CSMD1: variants seen among roughly 807,000 people sequenced by gnomAD.
CSMD1 encodes the protein CUB and sushi domain-containing protein 1.
CSMD1 carries 213 observed loss-of-function variants against 417.5 expected under a neutral mutation model. The ratio of observed to expected loss-of-function variants is 0.51; its 90% CI spans 0.46 to 0.57. CSMD1 has a LOEUF of 0.57. Ranked by LOEUF, CSMD1 falls within the 20% of genes least tolerant of loss-of-function variation. The pLI, the probability that CSMD1 is intolerant of heterozygous loss-of-function variation, is 0.00. For missense variants in CSMD1, 6,923 were observed against 4,529.7 expected (o/e 1.53, Z -15.17); for synonymous variants, 2,862 against 1,736.8 (o/e 1.65, Z -16.11).
chr8:3,561,096 C>T (rs1799449443), intron 10 of CSMD1, among the ~76,000 whole-genome samples: 4 of 152,186 alleles, frequency 2.6e-5, no homozygotes, highest in Admixed American at 2.6e-4. Flanking sequence ...CAGTGAGATG[C>T]CACCTCACAC....
intron 3 of CSMD1, among the ~76,000 whole-genome samples, chr8:4,163,787 A>G (rs1584939232): frequency 1.3e-5 from 2 of 152,280 alleles, no homozygotes; most frequent in South Asian, 2.1e-4. Flanking sequence ...TGACTTATTC[A>G]ACAGTGTCAT....
chr8:4,800,940 T>G (rs1371349802), intron 1 of CSMD1, among the ~76,000 whole-genome samples: 1 of 152,332 alleles, frequency 6.6e-6, no homozygotes, highest in South Asian at 2.1e-4. Context: ...AATCTCCTGA[T>G]TGTTATTTTT....
chr8:3,484,013 T>C (rs1196410713), intron 11 of CSMD1, among the ~76,000 whole-genome samples: 5 of 152,212 alleles, frequency 3.3e-5, no homozygotes, highest in Non-Finnish European at 7.3e-5. Context: ...ATAGCTTTAA[T>C]GTAATTCCTA....
intron 7 of CSMD1, among the ~76,000 whole-genome samples, chr8:3,652,993 C>T (rs543502853): frequency 1.1e-4 from 16 of 152,240 alleles, no homozygotes; most frequent in East Asian, 7.7e-4. Context: ...ATTGTCTGCA[C>T]TATTAATGCC....
chr8:3,998,489 G>A lies in CSMD1; in HGVS notation c.611-379C>T, dbSNP rs149567452. 5.5e-4 allele frequency among the ~76,000 whole-genome samples: 83 copies of A among 152,270 alleles called. 1 individual carries two copies. Among genetic ancestry groups the A allele is most frequent in the Middle Eastern group, 3.4e-3 (1 of 294 alleles). On this transcript the variant is annotated intron_variant, in intron 4 of 69. Coordinates refer to ENST00000635120, the MANE Select transcript of CSMD1 (RefSeq NM_033225.6). The stretch of plus-strand genomic sequence containing the variant: ...TTTTGAGACTTAAAAACATGTGGGC[G>A]TTTATTCATGGATACCTGGCTTTGA...
At chr8:3,134,097 G>C (rs557881741) in intron 41 of CSMD1, among the ~76,000 whole-genome samples, 3 of 152,134 alleles carry the variant, frequency 2.0e-5, no homozygotes, top group Admixed American at 1.3e-4. Context: ...ACTTGAACCA[G>C]GGAGTTAGAG....
chr8:3,659,034 T>C (rs1286070700), intron 7 of CSMD1, among the ~76,000 whole-genome samples: 1 of 152,216 alleles, frequency 6.6e-6, no homozygotes, highest in Non-Finnish European at 1.5e-5. Context: ...GTCATTTAAT[T>C]AACACGGCGC....
intron 3 of CSMD1, among the ~76,000 whole-genome samples, chr8:4,154,038 C>A (rs990463985): frequency 6.6e-6 from 1 of 152,160 alleles, no homozygotes; most frequent in Non-Finnish European, 1.5e-5. Flanking sequence ...CAGCTTGCTG[C>A]CACATTTGTT....
At chr8:3,631,868 G>T (rs900481900) in intron 7 of CSMD1, among the ~76,000 whole-genome samples, 1 of 152,074 alleles carries the variant, frequency 6.6e-6, no homozygotes, top group Non-Finnish European at 1.5e-5. Context: ...ATTCCCCCCT[G>T]GTCCAAAGAT....
chr8:3,449,454 A>C (rs1038062905), intron 12 of CSMD1, among the ~76,000 whole-genome samples: 7 of 151,982 alleles, frequency 4.6e-5, no homozygotes, highest in Non-Finnish European at 8.8e-5. Flanking sequence ...TCGGAAAGTG[A>C]ATTTTTTCTT....
At chr8:3,867,754 C>A (rs911630952) in intron 5 of CSMD1, among the ~76,000 whole-genome samples, 5 of 152,040 alleles carry the variant, frequency 3.3e-5, no homozygotes, top group Admixed American at 6.6e-5. Context: ...GCACAGGAAC[C>A]CTCCTCCCAG....
chr8:4,785,393 T>C (rs79309328), intron 1 of CSMD1, among the ~76,000 whole-genome samples: 1,592 of 152,188 alleles, frequency 0.01, 11 homozygotes, highest in East Asian at 0.056. Flanking sequence ...GTACCTCAGT[T>C]CAGAATCTCT....
chr8:3,600,328 G>C (rs907036505), intron 8 of CSMD1, among the ~76,000 whole-genome samples: 2 of 152,192 alleles, frequency 1.3e-5, no homozygotes, highest in Non-Finnish European at 1.5e-5. Context: ...GAAGGGTGGA[G>C]TGGGTGGATT....
chr8:3,501,658 T>A (rs1002924428), intron 10 of CSMD1, among the ~76,000 whole-genome samples: 2 of 152,092 alleles, frequency 1.3e-5, no homozygotes, highest in African/African-American at 2.4e-5. Context: ...AAATTATGTA[T>A]CAGAAGAAAG....
intron 57 of CSMD1, among the ~76,000 whole-genome samples, chr8:2,968,739 G>C (rs1233530725): frequency 1.3e-5 from 2 of 151,950 alleles, no homozygotes; most frequent in Non-Finnish European, 2.9e-5. Context: ...ATTAAATTTA[G>C]AGGAGAAAAA....
intron 3 of CSMD1, among the ~76,000 whole-genome samples, chr8:4,099,006 A>G (rs1361681076): frequency 6.6e-6 from 1 of 152,150 alleles, no homozygotes; most frequent in Non-Finnish European, 1.5e-5. Context: ...TAGACTCCAA[A>G]CAACTCTTCA....
Position 3,688,340 on chromosome 8 carries a change from T to A in CSMD1, c.1009+20074A>T, listed in dbSNP as rs73658207. On this transcript the variant is annotated intron_variant, in intron 7 of 69. Coordinates refer to ENST00000635120, the MANE Select transcript of CSMD1 (RefSeq NM_033225.6). The stretch of plus-strand genomic sequence containing the variant: ...ATGTGCTAAGCCTTACAAATGCCAG[T>A]AGAAAGTTTAATCATCCAGTGATAT... Among the ~76,000 whole-genome samples the A allele has an allele frequency of 7.4e-3, 1,133 of 152,284 alleles. 11 individuals carry two copies. The highest frequency in any genetic ancestry group is 0.026 in the African/African-American group (1,080 of 41,562).
At chr8:3,887,810 C>G (rs533605784) in intron 5 of CSMD1, among the ~76,000 whole-genome samples, 3 of 152,290 alleles carry the variant, frequency 2.0e-5, no homozygotes, top group African/African-American at 7.2e-5. Flanking sequence ...TTGCCTCTGT[C>G]TGCCTCCGTT....
intron 50 of CSMD1, among the ~76,000 whole-genome samples, chr8:3,031,517 A>T (rs1474190457): frequency 6.6e-6 from 1 of 152,050 alleles, no homozygotes; most frequent in African/African-American, 2.4e-5. Context: ...TACAAACTTT[A>T]TTTCTGCCAA....
Sources: allele counts gnomAD v4.1 joint callset (sites outside exome capture counted in the v4.1 genomes callset), GRCh38; gene constraint gnomAD v4.1.1; transcripts MANE v1.5; gene names NCBI Gene and HGNC (gene_info 2026-07-23, HGNC 2026-07-21).